The following ASPRV1 variants were observed in gnomAD, a reference collection of about 807,000 sequenced individuals.
ASPRV1 encodes retroviral-like aspartic protease 1.
Under a neutral mutation model 11.0 loss-of-function variants are expected in ASPRV1, and 7 were observed. That is an observed-to-expected ratio of 0.64 (90% CI 0.36 to 1.20). The LOEUF is 1.20. Ranked by LOEUF, ASPRV1 falls within the 50% of genes most tolerant of loss-of-function variation. The probability of loss-of-function intolerance (pLI) is 0.02; values close to 1 mark genes in which losing one functional copy is unlikely to be tolerated. For synonymous variants in ASPRV1, 136 were observed against 138.4 expected (o/e 0.98, Z 0.12); for missense variants, 299 against 320.0 (o/e 0.93, Z 0.50).
chr2:70,087,068 G>C, the ASPRV1 span: 3 of 151,040 alleles, frequency 2.0e-5, no homozygotes, highest in Non-Finnish European at 2.9e-5. Context: ...ACGCGCTCTG[G>C]TCACCTCACG....
chr2:70,085,471 A>G, the ASPRV1 span: 1 of 152,256 alleles, frequency 6.6e-6, no homozygotes, highest in South Asian at 2.1e-4. Context: ...TTAAATGACA[A>G]GCTCACCTAA....
downstream of ASPRV1, among the ~76,000 whole-genome samples, chr2:69,958,324 G>A (rs571736475): frequency 1.9e-4 from 29 of 152,110 alleles, no homozygotes; most frequent in Admixed American, 5.9e-4. Flanking sequence ...GTGCCCTCTC[G>A]GGGGGCCCAC....
the ASPRV1 span, among the ~76,000 whole-genome samples, chr2:69,932,728 C>G: frequency 1.3e-5 from 2 of 152,156 alleles, no homozygotes; most frequent in South Asian, 4.1e-4. Flanking sequence ...GACAATGCAT[C>G]AAAAGATGAC....
At chr2:69,984,684 G>A in the ASPRV1 span, among the ~76,000 whole-genome samples, 1 of 122,862 alleles carries the variant, frequency 8.1e-6, no homozygotes, top group Non-Finnish European at 1.6e-5. Flanking sequence ...GCAATATTGC[G>A]ATCTCGGCTC....
chr2:70,013,813 G>A, the ASPRV1 span, among the ~76,000 whole-genome samples: 19 of 152,188 alleles, frequency 1.2e-4, no homozygotes, highest in South Asian at 3.3e-3. Flanking sequence ...CCTGGGAGGC[G>A]AAGACTACAG....
the ASPRV1 span, among the ~76,000 whole-genome samples, chr2:69,999,374 T>TA: frequency 6.6e-6 from 1 of 151,904 alleles, no homozygotes; most frequent in African/African-American, 2.4e-5. Flanking sequence ...CTGAAACTGA[T>TA]ATAAAGACAG....
the ASPRV1 span, among the ~76,000 whole-genome samples, chr2:70,039,948 A>C: frequency 7.2e-5 from 11 of 152,218 alleles, no homozygotes; most frequent in Non-Finnish European, 1.0e-4. Context: ...GATGCTCCTA[A>C]ATCAAGGAAA....
the ASPRV1 span, among the ~76,000 whole-genome samples, chr2:70,066,702 AT>A: frequency 6.6e-6 from 1 of 151,990 alleles, no homozygotes; most frequent in Non-Finnish European, 1.5e-5. Context: ...AGCTCAAATG[AT>A]CCTCCCACTT....
chr2:70,039,279 C>G, the ASPRV1 span, among the ~76,000 whole-genome samples: 11 of 152,240 alleles, frequency 7.2e-5, no homozygotes, highest in African/African-American at 2.6e-4. Context: ...AAGGCTTTAG[C>G]TGGGAGTTCT....
chr2:70,056,599 C>T, the ASPRV1 span: 2 of 43,500 alleles, frequency 4.6e-5, no homozygotes, highest in Admixed American at 5.0e-4. Context: ...AGCGAGACTC[C>T]GTCTCAAAAA....
the ASPRV1 span, among the ~76,000 whole-genome samples, chr2:70,065,125 C>G: frequency 6.7e-6 from 1 of 149,324 alleles, no homozygotes; most frequent in Non-Finnish European, 1.5e-5. Context: ...AAAAAAAAGG[C>G]CAGGTGCGGT....
At chr2:69,968,073 C>A in the ASPRV1 span, among the ~76,000 whole-genome samples, 1 of 151,894 alleles carries the variant, frequency 6.6e-6, no homozygotes, top group Non-Finnish European at 1.5e-5. Flanking sequence ...CAGAGCAAGA[C>A]TCTGTCTCAA....
chr2:70,007,783 C>A, the ASPRV1 span, among the ~76,000 whole-genome samples: 2 of 152,110 alleles, frequency 1.3e-5, no homozygotes, highest in East Asian at 3.9e-4. Flanking sequence ...GACCAGGGAA[C>A]TTTTGCTTTC....
the ASPRV1 span, among the ~76,000 whole-genome samples, chr2:69,949,726 G>A: frequency 1.3e-5 from 2 of 152,008 alleles, no homozygotes; most frequent in Admixed American, 1.3e-4. Flanking sequence ...TTTACCCTGG[G>A]CTTTAAATTT....
the ASPRV1 span, chr2:70,016,174 GT>G: frequency 1.3e-5 from 2 of 152,164 alleles, no homozygotes; most frequent in Non-Finnish European, 2.9e-5. Flanking sequence ...CACAAAACGA[GT>G]CTTAATAAAC....
At chr2:70,028,896 C>A in the ASPRV1 span, among the ~76,000 whole-genome samples, 122 of 152,000 alleles carry the variant, frequency 8.0e-4, no homozygotes, top group African/African-American at 2.7e-3. Context: ...GAGCTGAGGC[C>A]GTGCCACTGC....
At chr2:70,058,997 C>A in the ASPRV1 span, among the ~76,000 whole-genome samples, 1 of 150,776 alleles carries the variant, frequency 6.6e-6, no homozygotes, top group African/African-American at 2.4e-5. Context: ...CGCCATTCTC[C>A]TGGCCTCAGC....
the ASPRV1 span, among the ~76,000 whole-genome samples, chr2:70,084,668 C>G: frequency 6.6e-6 from 1 of 152,170 alleles, no homozygotes; most frequent in African/African-American, 2.4e-5. Context: ...AGTACATATA[C>G]TGCATGTAGT....
chr2:69,987,582 C>CAAA, the ASPRV1 span, among the ~76,000 whole-genome samples: 8 of 48,280 alleles, frequency 1.7e-4, no homozygotes, highest in Non-Finnish European at 2.3e-4. Context: ...CTCATCTCTA[C>CAAA]AAAAAAAAAA....
Sources: gnomAD v4.1 joint callset for allele counts (sites outside exome capture counted in the v4.1 genomes callset) on GRCh38, gnomAD v4.1.1 for gene constraint, MANE v1.5 for transcripts, NCBI Gene and HGNC (gene_info 2026-07-23, HGNC 2026-07-21) for gene names.